Variants in EXOC4 observed in about 807,000 individuals in gnomAD.
EXOC4 encodes the protein SEC8-like 1.
A neutral mutation model predicts 107.2 loss-of-function variants in EXOC4; 71 were observed. The observed-to-expected ratio is 0.66, with a 90% CI of 0.55 to 0.81. The LOEUF (loss-of-function observed/expected upper bound fraction) is 0.81. EXOC4 is among the 30% of genes least tolerant of loss of function. EXOC4 has a pLI of 0.00. For missense variants in EXOC4, 1,108 were observed against 1,189.6 expected (o/e 0.93, Z 1.01); for synonymous variants, 456 against 441.2 (o/e 1.03, Z -0.42).
At chr7:133,319,911 G>C (rs1450569164) in intron 5 of EXOC4, among the ~76,000 whole-genome samples, 3 of 136,140 alleles carry the variant, frequency 2.2e-5, no homozygotes, top group African/African-American at 8.4e-5. Flanking sequence ...GTCAATAATA[G>C]CAGAGGTTAA....
At chr7:133,725,562 G>GAC (rs1471838370) in intron 10 of EXOC4, among the ~76,000 whole-genome samples, 1 of 152,106 alleles carries the variant, frequency 6.6e-6, no homozygotes, top group East Asian at 1.9e-4. Flanking sequence ...TTTTAGTAGA[G>GAC]ACAGAGTTTC....
At chr7:134,026,788 A>G (rs1795146199) in intron 17 of EXOC4, among the ~76,000 whole-genome samples, 1 of 151,118 alleles carries the variant, frequency 6.6e-6, no homozygotes, top group Admixed American at 6.7e-5. Flanking sequence ...TGTACTTTGA[A>G]AAAGGTAAGA....
At chr7:133,666,786 G>T (rs1022077777) in intron 10 of EXOC4, among the ~76,000 whole-genome samples, 5 of 152,086 alleles carry the variant, frequency 3.3e-5, no homozygotes, top group African/African-American at 1.2e-4. Context: ...ATAGACTGAT[G>T]GATTAGGACC....
At position 133,317,307 on chromosome 7, in the gene EXOC4, T is replaced by C; in HGVS notation, c.680T>C (p.Val227Ala). The stretch of plus-strand genomic sequence containing the variant: ...AGCTCCCTCGTGAAAGATGCTTCTG[T>C]TCCTCTGATTGATGTTACAAACCTC... ...KISSLVKDASVPLIDVTNLPT... is the reference protein window; with the variant it reads ...KISSLVKDASAPLIDVTNLPT... Residue 227 changes from valine to alanine, a missense_variant, in exon 5 of 18, where the codon GTT becomes GCT. By Grantham distance (64) the Val-to-Ala change is moderately conservative (BLOSUM62 0). Transcript: ENST00000253861. The C allele has an allele frequency of 6.2e-7, 1 of 1,613,496 alleles. No homozygotes were observed. Among genetic ancestry groups the C allele is most frequent in the Non-Finnish European group, 8.5e-7 (1 of 1,179,412 alleles).
At chr7:133,353,071 C>T (rs2150650682) in intron 5 of EXOC4, among the ~76,000 whole-genome samples, 2 of 152,076 alleles carry the variant, frequency 1.3e-5, no homozygotes, top group South Asian at 4.1e-4. Flanking sequence ...GATTTATAAA[C>T]CAAAGTTAAC....
At chr7:133,257,220 C>T (rs1191416680) in intron 1 of EXOC4, among the ~76,000 whole-genome samples, 1 of 134,662 alleles carries the variant, frequency 7.4e-6, no homozygotes, top group Non-Finnish European at 1.5e-5. Context: ...GCCACTGGCC[C>T]TTTAAAATGG....
chr7:133,576,620 C>T (rs528411699), intron 9 of EXOC4: 3 of 1,289,736 alleles, frequency 2.3e-6, no homozygotes, highest in East Asian at 5.6e-5. Flanking sequence ...AGATAACCAC[C>T]TAGCTATTGC....
chr7:133,794,134 A>G (rs1029247937), intron 10 of EXOC4, among the ~76,000 whole-genome samples: 9 of 152,254 alleles, frequency 5.9e-5, no homozygotes, highest in African/African-American at 2.2e-4. Context: ...TTTTTTTGCT[A>G]CTAAGTGGTT....
intron 17 of EXOC4, among the ~76,000 whole-genome samples, chr7:134,062,928 G>T (rs914197273): frequency 2.0e-5 from 3 of 152,224 alleles, no homozygotes; most frequent in Non-Finnish European, 4.4e-5. Context: ...CAGGCCAATG[G>T]CCTTGCCGTT....
intron 7 of EXOC4, among the ~76,000 whole-genome samples, chr7:133,380,289 TAAAA>T (rs1474462770): frequency 1.3e-5 from 2 of 149,680 alleles, no homozygotes; most frequent in Admixed American, 6.7e-5. Flanking sequence ...TAAAATAAAA[TAAAA>T]TGAGTGATTT....
intron 11 of EXOC4, among the ~76,000 whole-genome samples, chr7:133,872,960 A>G (rs1798779235): frequency 6.6e-6 from 1 of 152,222 alleles, no homozygotes; most frequent in Non-Finnish European, 1.5e-5. Flanking sequence ...TCCGCAGTCT[A>G]GTGACAGACT....
intron 10 of EXOC4, among the ~76,000 whole-genome samples, chr7:133,681,850 A>G (rs1305270277): frequency 7.9e-5 from 12 of 152,156 alleles, no homozygotes. Context: ...AAATTAATAC[A>G]TATGAAATGC....
chr7:133,853,880 C>T (rs959148185), intron 11 of EXOC4, among the ~76,000 whole-genome samples: 1 of 152,218 alleles, frequency 6.6e-6, no homozygotes, highest in African/African-American at 2.4e-5. Flanking sequence ...GCTGTGCCCT[C>T]ATTCTAGGTG....
intron 5 of EXOC4, among the ~76,000 whole-genome samples, chr7:133,335,755 C>T (rs1795498105): frequency 2.0e-5 from 3 of 152,156 alleles, no homozygotes; most frequent in Non-Finnish European, 4.4e-5. Context: ...TGGGGATCTG[C>T]CATGCTGTTT....
chr7:133,935,607 A>G (rs1305141703), intron 13 of EXOC4, among the ~76,000 whole-genome samples: 1 of 152,148 alleles, frequency 6.6e-6, no homozygotes, highest in Non-Finnish European at 1.5e-5. Flanking sequence ...ACCTAAATTC[A>G]TTCATCATCC....
intron 5 of EXOC4, among the ~76,000 whole-genome samples, chr7:133,327,707 T>C (rs1795281921): frequency 6.6e-6 from 1 of 152,212 alleles, no homozygotes; most frequent in Admixed American, 6.5e-5. Context: ...CCAGTAGTTA[T>C]TCAGGAGCAG....
Position 133,649,467 on chromosome 7 carries a change from C to CTTTTTTT in EXOC4, c.1514+19338_1514+19344dup, listed in dbSNP as rs61225754. Among the ~76,000 whole-genome samples the CTTTTTTT allele has an allele frequency of 4.7e-5, 4 of 85,404 alleles. 1 individual carries two copies. The highest frequency in any genetic ancestry group is 7.0e-5 in the Non-Finnish European group (3 of 42,754). The allele number at this position is 85,404 out of a possible 152,430, so 56.0% of individuals were successfully genotyped here. A position where few individuals can be genotyped will look rare whatever the true frequency, so the allele number is the denominator to read the frequency against. ...TGTGTGTGAAGCATTACTACTTTTT[C>CTTTTTTT]TTTTTTTTTTTTTTTTTTAACCAGT... On this transcript the variant is annotated intron_variant, in intron 10 of 17. Coordinates refer to ENST00000253861, the MANE Select transcript of EXOC4 (RefSeq NM_021807.4).
Position 133,305,900 on chromosome 7 carries a change from G to T in EXOC4, c.495G>T (p.Glu165Asp), listed in dbSNP as rs774394381. Residue 165 changes from glutamate to aspartate, a missense_variant, in exon 4 of 18, where the codon GAG becomes GAT. Transcript: ENST00000253861. ...AGGTGTCAGCAGTTGAGTCTTTGGA[G>T]GGCCCCCTGCTCCAGGTGGAAGGAC... ...DMLVSAVESL[E>D]GPLLQVEGLS... 123 of 1,607,916 alleles carry T rather than the reference G, an allele frequency of 7.6e-5. No homozygotes were observed. The highest frequency in any genetic ancestry group is 1.0e-4 in the Non-Finnish European group (120 of 1,177,410).
At chr7:133,311,411 C>T (rs1184970597) in intron 4 of EXOC4, among the ~76,000 whole-genome samples, 1 of 152,082 alleles carries the variant, frequency 6.6e-6, no homozygotes, top group Non-Finnish European at 1.5e-5. Flanking sequence ...GATCTATAGA[C>T]TTTAGTATTT....
Sources: allele counts gnomAD v4.1 joint callset (sites outside exome capture counted in the v4.1 genomes callset), GRCh38; gene constraint gnomAD v4.1.1; transcripts MANE v1.5; gene names NCBI Gene and HGNC (gene_info 2026-07-23, HGNC 2026-07-21).